TACC2: variants seen among roughly 807,000 people sequenced by gnomAD.
TACC2 encodes the protein transforming acidic coiled-coil containing protein 2, also known as transforming acidic coiled-coil-containing protein 2.
TACC2 carries 137 observed loss-of-function variants against 227.3 expected under a neutral mutation model. That is an observed-to-expected ratio of 0.60 (90% CI 0.52 to 0.69). The LOEUF (loss-of-function observed/expected upper bound fraction) is 0.69, where lower values mean the gene tolerates loss of function less well. Ranked by LOEUF, TACC2 falls within the 30% of genes least tolerant of loss-of-function variation. The pLI, the probability that TACC2 is intolerant of heterozygous loss-of-function variation, is 0.00. For missense variants in TACC2, 3,470 were observed against 3,694.4 expected (o/e 0.94, Z 1.57); for synonymous variants, 1,523 against 1,487.5 (o/e 1.02, Z -0.55).
chr10:122,212,846 C>A (rs1330511459), intron 9 of TACC2, among the ~76,000 whole-genome samples: 1 of 152,174 alleles, frequency 6.6e-6, no homozygotes, highest in Admixed American at 6.5e-5. Flanking sequence ...TCAACTAGGT[C>A]CCTACTAGAG....
chr10:122,158,401 A>T (rs1205358874), intron 7 of TACC2, among the ~76,000 whole-genome samples: 3 of 152,106 alleles, frequency 2.0e-5, no homozygotes, highest in African/African-American at 7.2e-5. Flanking sequence ...TCTCAAAAAA[A>T]AAAACAAAAA....
intron 7 of TACC2, among the ~76,000 whole-genome samples, chr10:122,177,713 G>C (rs1338953121): frequency 6.6e-6 from 1 of 152,198 alleles, no homozygotes; most frequent in Non-Finnish European, 1.5e-5. Context: ...AAACAAACAG[G>C]ATTATTCTGT....
chr10:122,205,518 A>C lies in TACC2; in HGVS notation c.5972-4879A>C, dbSNP rs1565612385. ...CCATCCAAGCTTATCCTCAAAGCTG[A>C]CTCATTTTTGTGGCCAAATACTAAA... is the stretch of plus-strand genomic sequence containing the variant. On this transcript the variant is annotated intron_variant, in intron 8 of 22. Coordinates refer to ENST00000369005, the MANE Select transcript of TACC2 (RefSeq NM_206862.4). The surrounding 1 kb of genome is among the most constrained non-coding windows in gnomAD (Gnocchi z 4.5). Among the ~76,000 whole-genome samples, 1 of 152,180 alleles carries C rather than the reference A, an allele frequency of 6.6e-6. No individual in the cohort carries two copies. The highest frequency in any genetic ancestry group is 1.5e-5 in the Non-Finnish European group (1 of 68,032).
intron 22 of TACC2, among the ~76,000 whole-genome samples, chr10:122,252,324 G>A (rs1267047388): frequency 6.6e-6 from 1 of 152,074 alleles, no homozygotes; most frequent in Non-Finnish European, 1.5e-5. Context: ...TGAAAAATGA[G>A]GATAATACTG....
Position 122,063,020 on chromosome 10 carries a change from G to A in TACC2, c.146+12470G>A, listed in dbSNP as rs909004131. 7.9e-5 allele frequency among the ~76,000 whole-genome samples: 12 copies of A among 152,212 alleles called. No individual in the cohort carries two copies. The East Asian group carries it at 9.7e-4, about 12-fold the overall frequency. On this transcript the variant is annotated intron_variant, in intron 3 of 22. Coordinates refer to ENST00000369005, the MANE Select transcript of TACC2 (RefSeq NM_206862.4). ...ATGTGGCAGGGCGGGGACTAGAACC[G>A]AGGCTGGTTTGATCCACCTGAAACC...
chr10:122,053,921 G>A (rs1048352058), intron 3 of TACC2, among the ~76,000 whole-genome samples: 4 of 152,182 alleles, frequency 2.6e-5, no homozygotes, highest in African/African-American at 9.7e-5. Context: ...ACACAGAAGG[G>A]CCTGCAGTGG....
chr10:122,094,178 G>C (rs557869240), intron 5 of TACC2, among the ~76,000 whole-genome samples: 1 of 152,286 alleles, frequency 6.6e-6, no homozygotes, highest in South Asian at 2.1e-4. Flanking sequence ...TGGAAATGCA[G>C]CCTTTATGTG....
At chr10:122,160,942 C>T (rs2092782592) in intron 7 of TACC2, among the ~76,000 whole-genome samples, 1 of 152,096 alleles carries the variant, frequency 6.6e-6, no homozygotes, top group Non-Finnish European at 1.5e-5. Flanking sequence ...ATTTGTTTCT[C>T]TCCTGGTTCT....
chr10:122,136,288 C>T (rs1321258812), intron 6 of TACC2, among the ~76,000 whole-genome samples: 1 of 151,982 alleles, frequency 6.6e-6, no homozygotes, highest in Non-Finnish European at 1.5e-5. Context: ...ACTAAGCGGG[C>T]GTCCTAGTGT....
chr10:122,160,375 GT>G (rs1164067872), intron 7 of TACC2, among the ~76,000 whole-genome samples: 1 of 152,136 alleles, frequency 6.6e-6, no homozygotes, highest in African/African-American at 2.4e-5. Flanking sequence ...GAGTAGTGGG[GT>G]TCCCTGGATG....
intron 1 of TACC2, among the ~76,000 whole-genome samples, chr10:122,013,569 C>T (rs1349949845): frequency 2.6e-5 from 4 of 152,244 alleles, no homozygotes; most frequent in Admixed American, 6.5e-5. Flanking sequence ...GGGCTTAGGT[C>T]GCTGGGTTTG....
intron 7 of TACC2, among the ~76,000 whole-genome samples, chr10:122,189,151 T>G (rs1042694359): frequency 2.0e-5 from 3 of 152,214 alleles, no homozygotes; most frequent in African/African-American, 7.2e-5. Flanking sequence ...TACTGTTTTA[T>G]GCCAGCGAGG....
intron 19 of TACC2, among the ~76,000 whole-genome samples, chr10:122,242,658 T>C (rs1008758784): frequency 4.9e-4 from 75 of 152,218 alleles, no homozygotes; most frequent in African/African-American, 1.8e-3. Context: ...CTTTTCTTTT[T>C]TTTTAAATAA....
chr10:122,003,579 C>T (rs1427698658), intron 1 of TACC2, among the ~76,000 whole-genome samples: 1 of 152,156 alleles, frequency 6.6e-6, no homozygotes, highest in African/African-American at 2.4e-5. Flanking sequence ...CCTGTGGTCA[C>T]TTCCGGATGT....
At chr10:122,045,195 C>G (rs2074830092) in intron 2 of TACC2, among the ~76,000 whole-genome samples, 1 of 152,246 alleles carries the variant, frequency 6.6e-6, no homozygotes. Context: ...TGGACTGCCT[C>G]TTCTGTGCCA....
At chr10:122,172,829 G>A (rs1055295798) in intron 7 of TACC2, among the ~76,000 whole-genome samples, 12 of 152,134 alleles carry the variant, frequency 7.9e-5, no homozygotes, top group Non-Finnish European at 1.3e-4. Flanking sequence ...AAGAGCAGAC[G>A]GGGAGGGCAG....
Position 122,086,276 on chromosome 10 carries a change from C to T in TACC2, c.3776C>T (p.Ala1259Val), listed in dbSNP as rs2080087712. 2 of 1,614,028 alleles carry T rather than the reference C, an allele frequency of 1.2e-6. No homozygotes were observed. Among genetic ancestry groups the T allele is most frequent in the Non-Finnish European group, 1.7e-6 (2 of 1,180,044 alleles). Residue 1259 changes from alanine (A) to valine (V), a missense_variant, in exon 4 of 23, where the codon GCA becomes GTA. Ala to Val is a moderately conservative substitution (Grantham distance 64, BLOSUM62 0). This residue lies in a region of TACC2 where 1,924 missense variants were observed against 1,978.3 expected (regional missense o/e 0.97). Transcript: ENST00000369005. ...AGTGGAGTGAAAGCTGTTTCCTCTGCAGACCCCAGAGCTCCTGGCGAAAGC... is the reference window on the plus strand; with the variant it reads ...AGTGGAGTGAAAGCTGTTTCCTCTGTAGACCCCAGAGCTCCTGGCGAAAGC... ...EDSGVKAVSSADPRAPGESPC... is the reference protein window; with the variant it reads ...EDSGVKAVSSVDPRAPGESPC...
chr10:122,010,110 A>T (rs923444746), intron 1 of TACC2, among the ~76,000 whole-genome samples: 4 of 152,188 alleles, frequency 2.6e-5, no homozygotes, highest in Admixed American at 6.6e-5. Context: ...GTCATCAGGA[A>T]TAATCTCTTT....
rs1431773110 is a variant in TACC2 at position 122,005,585 on chromosome 10, C to T, written c.-46+16097C>T. ...ATTTTTAGTAGAGATGGGGTTTCAC[C>T]ATGTTAGCCAGAATGGTCTCGATCT... is the stretch of plus-strand genomic sequence containing the variant. On this transcript the variant is annotated intron_variant, in intron 1 of 22. Coordinates refer to ENST00000369005, the MANE Select transcript of TACC2 (RefSeq NM_206862.4). Among the ~76,000 whole-genome samples, 36 of 150,532 alleles carry T rather than the reference C, an allele frequency of 2.4e-4. 1 individual carries two copies. The highest frequency in any genetic ancestry group is 2.4e-3 in the Admixed American group (36 of 15,074).
Sources: gnomAD v4.1 joint callset for allele counts (sites outside exome capture counted in the v4.1 genomes callset) on GRCh38, gnomAD v4.1.1 for gene constraint, gnomAD v4.1.1 regional missense constraint, Gnocchi (gnomAD v3.1) non-coding constraint, MANE v1.5 for transcripts, NCBI Gene and HGNC (gene_info 2026-07-23, HGNC 2026-07-21) for gene names.